The following MAML2 variants were observed in gnomAD, a reference collection of about 807,000 sequenced individuals.
The protein encoded by MAML2 is mastermind like transcriptional coactivator 2.
MAML2 carries 22 observed loss-of-function variants against 96.1 expected under a neutral mutation model. The observed-to-expected ratio is 0.23, with a 90% CI of 0.16 to 0.33. The LOEUF is 0.33. MAML2 is among the 10% of genes least tolerant of loss of function. The pLI, the probability that MAML2 is intolerant of heterozygous loss-of-function variation, is 1.00. For missense variants in MAML2, 1,367 were observed against 1,392.4 expected, an observed-to-expected ratio of 0.98 and a Z score of 0.29; for synonymous variants, 561 against 521.3, an observed-to-expected ratio of 1.08 and a Z score of -1.04.
At position 96,099,001 on chromosome 11, in the gene MAML2, G is replaced by T. The variant is rs576589477; in HGVS notation, c.514-5484C>A. 1.1e-4 allele frequency among the ~76,000 whole-genome samples: 16 copies of T among 151,650 alleles called. 1 individual carries two copies. Among genetic ancestry groups the T allele is most frequent in the African/African-American group, 3.9e-4 (16 of 40,994 alleles). On this transcript the variant is annotated intron_variant, in intron 1 of 4. Coordinates refer to ENST00000524717, the MANE Select transcript of MAML2 (RefSeq NM_032427.4). ...AAAATAAATGCATTCTTTGTCTCCGGTGCTGCCCTAGAAACAGGGAATGTG... is the reference window on the plus strand; with the variant it reads ...AAAATAAATGCATTCTTTGTCTCCGTTGCTGCCCTAGAAACAGGGAATGTG...
chr11:96,210,213 G>A (rs112846333), intron 1 of MAML2, among the ~76,000 whole-genome samples: 8,153 of 152,130 alleles, frequency 0.054, 703 homozygotes, highest in African/African-American at 0.19. Context: ...GAGTTCAAGC[G>A]ATTCTCCTGC....
chr11:96,000,295 T>C (rs549037780), intron 2 of MAML2, among the ~76,000 whole-genome samples: 1 of 152,350 alleles, frequency 6.6e-6, no homozygotes, highest in Admixed American at 6.5e-5. Flanking sequence ...GTCAGCAAAC[T>C]ATGGCATGAC....
At chr11:95,995,550 G>GGGACTT (rs1432089422) in intron 2 of MAML2, among the ~76,000 whole-genome samples, 1 of 152,108 alleles carries the variant, frequency 6.6e-6, no homozygotes, top group African/African-American at 2.4e-5. Context: ...AACAGTGCCA[G>GGGACTT]GGACTTAGTA....
At chr11:96,311,535 G>A (rs115993973) in intron 1 of MAML2, among the ~76,000 whole-genome samples, 466 of 152,272 alleles carry the variant, frequency 3.1e-3, no homozygotes, top group African/African-American at 0.011. Flanking sequence ...TAGAGATGGC[G>A]GTACCTAGAT....
chr11:96,337,560 A>C (rs1249108373), intron 1 of MAML2, among the ~76,000 whole-genome samples: 1 of 152,210 alleles, frequency 6.6e-6, no homozygotes, highest in Non-Finnish European at 1.5e-5. Context: ...AGATGCATTC[A>C]AAGACTCCAA....
chr11:96,130,018 G>A (rs753674937), intron 1 of MAML2, among the ~76,000 whole-genome samples: 18 of 152,198 alleles, frequency 1.2e-4, no homozygotes, highest in Admixed American at 2.6e-4. Context: ...GATTATACTA[G>A]CCCAGGTATA....
chr11:96,119,232 T>C (rs1331561223), intron 1 of MAML2, among the ~76,000 whole-genome samples: 1 of 152,226 alleles, frequency 6.6e-6, no homozygotes, highest in African/African-American at 2.4e-5. Context: ...GACTGTGTTC[T>C]AAAATTTAGT....
chr11:96,002,791 TG>T (rs1275935497), intron 2 of MAML2, among the ~76,000 whole-genome samples: 1 of 142,514 alleles, frequency 7.0e-6, no homozygotes, highest in East Asian at 2.1e-4. Context: ...ATGAGGATGA[TG>T]GGGATGATGA....
intron 2 of MAML2, among the ~76,000 whole-genome samples, chr11:96,016,129 C>T (rs1185951239): frequency 1.3e-5 from 2 of 152,070 alleles, no homozygotes; most frequent in Admixed American, 6.5e-5. Context: ...CCACTTATAT[C>T]AAGAAATCCG....
intron 1 of MAML2, among the ~76,000 whole-genome samples, chr11:96,321,314 C>T (rs190146931): frequency 7.2e-4 from 110 of 152,312 alleles, no homozygotes; most frequent in African/African-American, 2.5e-3. Flanking sequence ...TCTTAAATCA[C>T]GAGAGAAAGA....
chr11:96,015,994 C>T (rs1470654468), intron 2 of MAML2, among the ~76,000 whole-genome samples: 1 of 152,072 alleles, frequency 6.6e-6, no homozygotes, highest in East Asian at 1.9e-4. Context: ...ACATGCATGG[C>T]TGGCCCTAGG....
intron 2 of MAML2, among the ~76,000 whole-genome samples, chr11:96,082,778 A>C (rs1276196054): frequency 6.6e-6 from 1 of 152,116 alleles, no homozygotes; most frequent in Non-Finnish European, 1.5e-5. Flanking sequence ...TAAAAAGGAG[A>C]ATTACAGTAT....
intron 2 of MAML2, among the ~76,000 whole-genome samples, chr11:96,078,101 G>A (rs1266198251): frequency 1.3e-5 from 2 of 152,132 alleles, no homozygotes; most frequent in East Asian, 3.9e-4. Context: ...CCAGGCTGAG[G>A]TGGATGCCCC....
chr11:96,118,272 C>T (rs1016615815), intron 1 of MAML2, among the ~76,000 whole-genome samples: 1 of 151,942 alleles, frequency 6.6e-6, no homozygotes, highest in Non-Finnish European at 1.5e-5. Context: ...GCTCTGTGTC[C>T]CCAACCAAAT....
intron 2 of MAML2, among the ~76,000 whole-genome samples, chr11:96,041,970 G>A (rs1176506433): frequency 1.2e-4 from 16 of 138,874 alleles, no homozygotes; most frequent in African/African-American, 2.6e-4. Context: ...CACCACGCCC[G>A]GCTAATTTTT....
chr11:96,269,248 C>G lies in MAML2; in HGVS notation c.513+72135G>C. Among the ~76,000 whole-genome samples, 2 of 144,476 alleles carry G rather than the reference C, an allele frequency of 1.4e-5. 1 individual carries two copies. The highest frequency in any genetic ancestry group is 3.0e-5 in the Non-Finnish European group (2 of 66,770). 94.8% of individuals were successfully genotyped at this position (144,476 alleles called of 152,430 possible). A position where few individuals can be genotyped will look rare whatever the true frequency, so the allele number is the denominator to read the frequency against. On this transcript the variant is annotated intron_variant, in intron 1 of 4. Transcript: ENST00000524717. ...GATTGAACTAGGTTTCCTCTTAGCT[C>G]TTTTCCAAAGTGTCTATGGTTCTGT...
At chr11:96,080,100 A>G (rs1859508626) in intron 2 of MAML2, among the ~76,000 whole-genome samples, 1 of 152,210 alleles carries the variant, frequency 6.6e-6, no homozygotes, top group Non-Finnish European at 1.5e-5. Context: ...AGCAGTAAAT[A>G]CTATTTATCC....
intron 2 of MAML2, among the ~76,000 whole-genome samples, chr11:96,034,596 G>A (rs191908968): frequency 1.1e-4 from 17 of 152,224 alleles, no homozygotes; most frequent in Non-Finnish European, 1.3e-4. Flanking sequence ...TGTGGAAGTA[G>A]CAAAGTAATA....
chr11:96,031,457 A>G (rs1347088875), intron 2 of MAML2, among the ~76,000 whole-genome samples: 6 of 152,228 alleles, frequency 3.9e-5, no homozygotes, highest in Non-Finnish European at 7.3e-5. Context: ...TACCTCTCAG[A>G]GTCATTGGTA....
Sources: allele counts gnomAD v4.1 joint callset (sites outside exome capture counted in the v4.1 genomes callset), GRCh38; gene constraint gnomAD v4.1.1; transcripts MANE v1.5; gene names NCBI Gene and HGNC (gene_info 2026-07-23, HGNC 2026-07-21).